The following SEMA6D variants were observed in gnomAD, a reference collection of about 807,000 sequenced individuals.
The protein encoded by SEMA6D is semaphorin-6D.
Under a neutral mutation model 106.6 loss-of-function variants are expected in SEMA6D, and 35 were observed. The observed-to-expected ratio is 0.33, with a 90% CI of 0.25 to 0.44. The LOEUF is 0.44. Among genes scored for constraint, SEMA6D ranks in the 20% least tolerant of loss-of-function variants. The pLI is 1.00. For synonymous variants in SEMA6D, 499 were observed against 487.7 expected (o/e 1.02, Z -0.31); for missense variants, 1,185 against 1,345.9 (o/e 0.88, Z 1.87).
intron 2 of SEMA6D, among the ~76,000 whole-genome samples, chr15:47,444,032 C>T (rs2041956059): frequency 6.6e-6 from 1 of 152,122 alleles, no homozygotes; most frequent in African/African-American, 2.4e-5. Flanking sequence ...CAGTGAATCA[C>T]CTACCTTTAG....
At chr15:47,416,191 C>A (rs2040962962) in intron 2 of SEMA6D, among the ~76,000 whole-genome samples, 1 of 152,034 alleles carries the variant, frequency 6.6e-6, no homozygotes, top group Non-Finnish European at 1.5e-5. Flanking sequence ...GATATTCTTC[C>A]CCAGTCCCAA....
chr15:47,226,926 G>C (rs1230325976), intron 1 of SEMA6D, among the ~76,000 whole-genome samples: 1 of 151,900 alleles, frequency 6.6e-6, no homozygotes, highest in Non-Finnish European at 1.5e-5. Context: ...GTCTTTCATG[G>C]CTCGATCATG....
chr15:47,360,258 G>C (rs1427500092), intron 1 of SEMA6D, among the ~76,000 whole-genome samples: 1 of 152,154 alleles, frequency 6.6e-6, no homozygotes, highest in Non-Finnish European at 1.5e-5. Context: ...GTTCATATCA[G>C]AGTAAGTTTG....
chr15:47,240,227 G>T (rs1333516616), intron 1 of SEMA6D, among the ~76,000 whole-genome samples: 1 of 152,134 alleles, frequency 6.6e-6, no homozygotes, highest in Non-Finnish European at 1.5e-5. Context: ...ACTGAATATA[G>T]AATTTAGGCT....
chr15:47,255,846 TTTC>T, intron 1 of SEMA6D, among the ~76,000 whole-genome samples: 1 of 152,326 alleles, frequency 6.6e-6, no homozygotes, highest in East Asian at 1.9e-4. Flanking sequence ...CTGTAATCTA[TTTC>T]AAGTTAATTT....
chr15:47,625,621 G>C (rs1296226376), intron 4 of SEMA6D, among the ~76,000 whole-genome samples: 1 of 151,896 alleles, frequency 6.6e-6, no homozygotes, highest in Non-Finnish European at 1.5e-5. Context: ...TGTAGTCCCA[G>C]CTACTTGGGA....
chr15:47,642,999 G>GGA (rs914888885), intron 4 of SEMA6D, among the ~76,000 whole-genome samples: 64 of 151,574 alleles, frequency 4.2e-4, no homozygotes, highest in African/African-American at 1.4e-3. Context: ...ATGGAAATAG[G>GGA]GAGAGAGAGA....
intron 4 of SEMA6D, among the ~76,000 whole-genome samples, chr15:47,669,579 A>G (rs2078099475): frequency 6.6e-6 from 1 of 152,148 alleles, no homozygotes; most frequent in Admixed American, 6.6e-5. Context: ...GCTACTATTC[A>G]AAACTCTTAT....
chr15:47,492,487 G>A (rs996499780), intron 3 of SEMA6D, among the ~76,000 whole-genome samples: 1 of 152,032 alleles, frequency 6.6e-6, no homozygotes, highest in African/African-American at 2.4e-5. Context: ...CTTTAGCCAG[G>A]ACCTTAAAAT....
At chr15:47,254,319 A>ATG (rs370707378) in intron 1 of SEMA6D, among the ~76,000 whole-genome samples, 9,268 of 134,564 alleles carry the variant, frequency 0.069, 812 homozygotes, top group African/African-American at 0.21. Flanking sequence ...ATGTATATAT[A>ATG]TGTGTGTGTG....
rs549445550 is a variant in SEMA6D at position 47,732,096 on chromosome 15, G to A, written c.-55+14404G>A. 2.0e-5 allele frequency among the ~76,000 whole-genome samples: 3 copies of A among 152,256 alleles called. No individual in the cohort carries two copies. In the East Asian group the frequency reaches 5.8e-4, roughly 29 times the overall value. Reference sequence around the variant, plus strand: ...TAAATATAATGCATGGAAATTGACCGTCACAGTTCCTAGAACACAATAAGG... The same window carrying A: ...TAAATATAATGCATGGAAATTGACCATCACAGTTCCTAGAACACAATAAGG... On this transcript the variant is annotated intron_variant, in intron 1 of 18. Coordinates refer to ENST00000536845, the MANE Select transcript of SEMA6D (RefSeq NM_001358351.3).
intron 3 of SEMA6D, among the ~76,000 whole-genome samples, chr15:47,570,789 C>G (rs1369297915): frequency 6.6e-6 from 1 of 152,172 alleles, no homozygotes; most frequent in Non-Finnish European, 1.5e-5. Context: ...TGTGCCATCC[C>G]AAATGATTAA....
At chr15:47,687,145 T>C (rs2078487797) in intron 4 of SEMA6D, among the ~76,000 whole-genome samples, 1 of 150,644 alleles carries the variant, frequency 6.6e-6, no homozygotes, top group Non-Finnish European at 1.5e-5. Context: ...TTCGACTAAA[T>C]CTAGAAATAT....
intron 4 of SEMA6D, among the ~76,000 whole-genome samples, chr15:47,604,364 A>G (rs1596415283): frequency 6.6e-6 from 1 of 152,308 alleles, no homozygotes; most frequent in Middle Eastern, 3.4e-3. Context: ...GGTCCGATAA[A>G]CTTAAGAGAA....
At position 47,721,083 on chromosome 15, in the gene SEMA6D, A is replaced by G. The variant is rs184334820; in HGVS notation, c.-55+3391A>G. Among the ~76,000 whole-genome samples, 618 of 152,346 alleles carry G rather than the reference A, an allele frequency of 4.1e-3. 5 individuals carry two copies. Among genetic ancestry groups the G allele is most frequent in the Non-Finnish European group, 5.4e-3 (364 of 68,028 alleles). ...TACTGAATATTTATCATTTGCAAGG[A>G]GCTGTGCTAGCCAGTGTTCCAACAC... On this transcript the variant is annotated intron_variant, in intron 1 of 18. Coordinates refer to ENST00000536845, the MANE Select transcript of SEMA6D (RefSeq NM_001358351.3).
chr15:47,732,561 A>G (rs1417461616), intron 1 of SEMA6D, among the ~76,000 whole-genome samples: 1 of 152,236 alleles, frequency 6.6e-6, no homozygotes, highest in African/African-American at 2.4e-5. Flanking sequence ...AATGGGAGAG[A>G]TTGGCTTACC....
chr15:47,648,264 C>T (rs958014272), intron 4 of SEMA6D, among the ~76,000 whole-genome samples: 18 of 152,184 alleles, frequency 1.2e-4, no homozygotes, highest in Admixed American at 9.8e-4. Context: ...GCATGGGCTT[C>T]CTCCTGGTGC....
chr15:47,563,663 T>C (rs917944318), intron 3 of SEMA6D, among the ~76,000 whole-genome samples: 31 of 152,228 alleles, frequency 2.0e-4, no homozygotes. Context: ...TTATCCCTTC[T>C]ATTGTCTCTT....
intron 1 of SEMA6D, among the ~76,000 whole-genome samples, chr15:47,188,085 G>A (rs576102188): frequency 6.6e-6 from 1 of 152,076 alleles, no homozygotes; most frequent in South Asian, 2.1e-4. Context: ...TTATTTTTGG[G>A]GGATGCTGTT....
Sources: gnomAD v4.1 joint callset for allele counts (sites outside exome capture counted in the v4.1 genomes callset) on GRCh38, gnomAD v4.1.1 for gene constraint, MANE v1.5 for transcripts, NCBI Gene and HGNC (gene_info 2026-07-23, HGNC 2026-07-21) for gene names.